Variants in ARHGEF18 observed in about 807,000 individuals in gnomAD.
ARHGEF18 encodes the protein Rho/Rac guanine nucleotide exchange factor 18.
ARHGEF18 carries 93 observed loss-of-function variants against 155.7 expected under a neutral mutation model. The ratio of observed to expected loss-of-function variants is 0.60; its 90% CI spans 0.50 to 0.71. The LOEUF (loss-of-function observed/expected upper bound fraction) is 0.71. Ranked by LOEUF, ARHGEF18 falls within the 30% of genes least tolerant of loss-of-function variation. The pLI is 0.00. For synonymous variants in ARHGEF18, 742 were observed against 753.1 expected (o/e 0.99, Z 0.24); for missense variants, 1,593 against 1,816.1 (o/e 0.88, Z 2.23).
rs1555708478 is a variant in ARHGEF18, at chr19:7,398,704, A to AAAGAAAGAAAG, written c.967+15503_967+15504insGAAAGAAAGAA. Among the ~76,000 whole-genome samples, 927 of 147,108 alleles carry AAAGAAAGAAAG rather than the reference A, an allele frequency of 6.3e-3. 12 individuals are homozygous for AAAGAAAGAAAG. The highest frequency in any genetic ancestry group is 0.022 in the African/African-American group (843 of 37,722). ...AGACTCTGTCTCAAAAAAAAAAAAA[A>AAAGAAAGAAAG]AAATAAAGAAAGAAAGAAAAGAGAT... On this transcript the variant is annotated intron_variant, in intron 10 of 28. Coordinates refer to ENST00000668164, the MANE Select transcript of ARHGEF18 (RefSeq NM_001367823.1).
At chr19:7,449,202 A>C (rs1363466244) in intron 15 of ARHGEF18, among the ~76,000 whole-genome samples, 1 of 152,052 alleles carries the variant, frequency 6.6e-6, no homozygotes, top group Non-Finnish European at 1.5e-5. Context: ...AGCGGGAGCA[A>C]ACAAGCAGAA....
chr19:7,442,120 CCCTCCCTTCCTT>C (rs1460372890), intron 13 of ARHGEF18, 68 bp downstream of exon 13: 1 of 1,452,796 alleles, frequency 6.9e-7, no homozygotes, highest in Admixed American at 1.9e-5. Flanking sequence ...CTCCCTTCCT[CCCTCCCTTCCTT>C]CCTTCCTTCC....
At chr19:7,364,265 T>A (rs535094066) in intron 2 of ARHGEF18, among the ~76,000 whole-genome samples, 1 of 142,628 alleles carries the variant, frequency 7.0e-6, no homozygotes, top group East Asian at 2.1e-4. Context: ...GGAAGGAGGA[T>A]GGATAAATGA....
chr19:7,469,003 G>C lies in ARHGEF18; in HGVS notation c.3659G>C (p.Ser1220Thr). ...AGCGATGTGCCCATCCAGCTGCTCA[G>C]CGCCACCAACCAGTTCCAGAGGCAG... ...AKSDVPIQLL[S>T]ATNQFQRQAA... Residue 1220 changes from serine (S) to threonine (T), a missense_variant, in exon 27 of 29, where the codon AGC becomes ACC. Ser to Thr is a moderately conservative substitution (Grantham distance 58, BLOSUM62 1). Transcript: ENST00000668164. 2.5e-6 allele frequency: 4 copies of C among 1,597,514 alleles called. No homozygotes were observed. The highest frequency in any genetic ancestry group is 3.4e-6 in the Non-Finnish European group (4 of 1,173,238).
At chr19:7,450,942 G>A (rs773895882) in intron 15 of ARHGEF18, among the ~76,000 whole-genome samples, 15 of 133,472 alleles carry the variant, frequency 1.1e-4, no homozygotes, top group East Asian at 4.4e-4. Flanking sequence ...GTCCGTTTCC[G>A]AGATGTTAAT....
rs565924966 is a variant in ARHGEF18 at position 7,415,343 on chromosome 19, T to C, written c.968-25001T>C. Reference sequence around the variant, plus strand: ...GGCTGCCTGCTGCCGAGCCCGCCACTCTGCCCCCCACTTCATGGCCCCTGC... The same window carrying C: ...GGCTGCCTGCTGCCGAGCCCGCCACCCTGCCCCCCACTTCATGGCCCCTGC... On this transcript the variant is annotated intron_variant, in intron 10 of 28. Coordinates refer to ENST00000668164, the MANE Select transcript of ARHGEF18 (RefSeq NM_001367823.1). Among the ~76,000 whole-genome samples the C allele has an allele frequency of 2.0e-4, 30 of 152,006 alleles. No homozygotes were observed. The East Asian group carries it at 5.8e-3, about 30-fold the overall frequency.
At chr19:7,387,705 T>G (rs1173612592) in intron 10 of ARHGEF18, among the ~76,000 whole-genome samples, 1 of 152,100 alleles carries the variant, frequency 6.6e-6, no homozygotes, top group Admixed American at 6.5e-5. Context: ...AATCTCGCTC[T>G]GTCGCCCACG....
At chr19:7,451,313 A>G (rs758829141) in intron 16 of ARHGEF18, 47 bp downstream of exon 16, 2 of 1,532,364 alleles carry the variant, frequency 1.3e-6, no homozygotes, top group Admixed American at 1.7e-5. Flanking sequence ...GCTGCAGCAC[A>G]GGGCTCTCTC....
At position 7,395,098 on chromosome 19, in the gene ARHGEF18, G is replaced by C. The variant is rs1351003548; in HGVS notation, c.967+11895G>C. 1.0e-6 allele frequency: 1 copy of C among 985,410 alleles called. No homozygotes were observed. The highest frequency in any genetic ancestry group is 1.1e-4 in the East Asian group (1 of 8,814). 61.0% of individuals were successfully genotyped at this position (985,410 alleles called of 1,614,324 possible). On this transcript the variant is annotated intron_variant, in intron 10 of 28. Transcript: ENST00000668164. This position sits in a 1 kb window ranked among gnomAD's most constrained non-coding sequence, Gnocchi z 5.0. ...TGCCCCGCCTCCGAGGCGGGATCGC[G>C]CATGCGCTGCTCTCCTCGCGCGGCT...
At chr19:7,436,647 C>G (rs1383622770) in intron 10 of ARHGEF18, among the ~76,000 whole-genome samples, 1 of 152,118 alleles carries the variant, frequency 6.6e-6, no homozygotes, top group Non-Finnish European at 1.5e-5. Context: ...TGATTTCAGT[C>G]AAGACCTCAG....
At chr19:7,389,433 T>C (rs528141296) in intron 10 of ARHGEF18, among the ~76,000 whole-genome samples, 1 of 150,668 alleles carries the variant, frequency 6.6e-6, no homozygotes, top group Non-Finnish European at 1.5e-5. Context: ...GTGCTGGGAT[T>C]ACAGGTGTGA....
the ARHGEF18 span, among the ~76,000 whole-genome samples, chr19:7,477,769 C>A: frequency 4.6e-5 from 7 of 152,228 alleles, no homozygotes; most frequent in Non-Finnish European, 8.8e-5. Flanking sequence ...CCCCCAGGAG[C>A]GTGGCCTGTG....
chr19:7,361,552 C>G (rs148219406), intron 1 of ARHGEF18, among the ~76,000 whole-genome samples: 67 of 152,302 alleles, frequency 4.4e-4, no homozygotes, highest in African/African-American at 1.5e-3. Flanking sequence ...CACATCCGTG[C>G]AATTGCGTAC....
chr19:7,409,957 T>TTA (rs1011953685), intron 10 of ARHGEF18, among the ~76,000 whole-genome samples: 22 of 149,746 alleles, frequency 1.5e-4, no homozygotes, highest in African/African-American at 5.4e-4. Flanking sequence ...TTGTATTTTT[T>TTA]TTTTTTTTTT....
intron 10 of ARHGEF18, among the ~76,000 whole-genome samples, chr19:7,422,357 C>T (rs1371936774): frequency 2.0e-5 from 3 of 151,900 alleles, no homozygotes; most frequent in African/African-American, 7.3e-5. Flanking sequence ...CGCCCATGCC[C>T]CCCCGCCCCG....
At chr19:7,459,245 T>A (rs7246211) in intron 19 of ARHGEF18, among the ~76,000 whole-genome samples, 6 of 151,076 alleles carry the variant, frequency 4.0e-5, no homozygotes, top group African/African-American at 1.2e-4. Context: ...TTTTAGAGTC[T>A]GGCTCTTGCT....
downstream of ARHGEF18, chr19:7,477,135 C>A (rs576748839): frequency 7.4e-7 from 1 of 1,351,600 alleles, no homozygotes; most frequent in Non-Finnish European, 9.7e-7. Context: ...CCTGCCCTGG[C>A]GGCTTCTGCT....
intron 1 of ARHGEF18, among the ~76,000 whole-genome samples, chr19:7,352,550 T>TTC (rs1168353955): frequency 6.9e-6 from 1 of 145,228 alleles, no homozygotes; most frequent in African/African-American, 2.6e-5. Context: ...TTTTTTTTTT[T>TTC]TGAGATGGAA....
rs567157824 is a variant in ARHGEF18 at position 7,462,768 on chromosome 19, G to A, written c.2635+434G>A. 2.0e-5 allele frequency among the ~76,000 whole-genome samples: 3 copies of A among 151,572 alleles called. No homozygotes were observed. The highest frequency in any genetic ancestry group is 4.4e-5 in the Non-Finnish European group (3 of 67,966). ...CCCCACGCACAGCTCTAACACAGCC[G>A]CCAGGCCCCTGGGCTGGCCGCTTGA... On this transcript the variant is annotated intron_variant, in intron 21 of 28. Coordinates refer to ENST00000668164, the MANE Select transcript of ARHGEF18 (RefSeq NM_001367823.1). This position sits in a 1 kb window ranked among gnomAD's most constrained non-coding sequence, Gnocchi z 4.4.
Sources: gnomAD v4.1 joint callset for allele counts (sites outside exome capture counted in the v4.1 genomes callset) on GRCh38, gnomAD v4.1.1 for gene constraint, Gnocchi (gnomAD v3.1) non-coding constraint, MANE v1.5 for transcripts, NCBI Gene and HGNC (gene_info 2026-07-23, HGNC 2026-07-21) for gene names.